ARHGAP35: variants seen among roughly 807,000 people sequenced by gnomAD.
The protein encoded by ARHGAP35 is rho GTPase-activating protein 35.
In ARHGAP35, 15 loss-of-function variants were observed where a neutral mutation model predicts 111.1. The ratio of observed to expected loss-of-function variants is 0.13; its 90% confidence interval spans 0.09 to 0.21. The LOEUF (loss-of-function observed/expected upper bound fraction) is 0.21, where lower values mean the gene tolerates loss of function less well. ARHGAP35 is among the 10% of genes least tolerant of loss of function. ARHGAP35 has a pLI of 1.00. For missense variants in ARHGAP35, 1,262 were observed against 1,873.0 expected (o/e 0.67, Z 6.02); for synonymous variants, 643 against 710.3 (o/e 0.91, Z 1.51).
intron 3 of ARHGAP35, among the ~76,000 whole-genome samples, chr19:46,973,024 T>TC (rs2056559533): frequency 6.6e-6 from 1 of 151,670 alleles, no homozygotes; most frequent in African/African-American, 2.4e-5. Flanking sequence ...CCTGAGGATT[T>TC]TTTTTCTTCC....
At chr19:46,987,848 G>A (rs977513671) in intron 3 of ARHGAP35, 141 bp from the exon 4 acceptor site, 8 of 660,126 alleles carry the variant, frequency 1.2e-5, no homozygotes, top group Admixed American at 5.9e-5. Context: ...AAAATCAAAC[G>A]AGAGTGTGCT....
intron 3 of ARHGAP35, among the ~76,000 whole-genome samples, chr19:46,959,868 C>A (rs937599208): frequency 6.6e-6 from 1 of 151,696 alleles, no homozygotes; most frequent in African/African-American, 2.4e-5. Flanking sequence ...GGCAGAGGGG[C>A]TAGAGGATCG....
At chr19:46,991,837 G>C (rs928940443) in intron 5 of ARHGAP35, among the ~76,000 whole-genome samples, 1 of 152,182 alleles carries the variant, frequency 6.6e-6, no homozygotes, top group African/African-American at 2.4e-5. Context: ...CAGACTGGCT[G>C]GGGTTTCCAT....
In ARHGAP35 at chr19:46,989,250, C is replaced by T; in HGVS notation, c.3905-294C>T. 3.3e-6 allele frequency: 1 copy of T among 303,592 alleles called. No homozygotes were observed. Among genetic ancestry groups the T allele is most frequent in the South Asian group, 4.1e-5 (1 of 24,470 alleles). The allele number at this position is 303,592 out of a possible 1,614,324, so 18.8% of individuals were successfully genotyped here. A position where few individuals can be genotyped will look rare whatever the true frequency, so the allele number is the denominator to read the frequency against. ...AGGAAGAGGCAACAGCATATCAAAGCCAGATGAAGGCAAGCTCCTGGCACC... is the reference window on the plus strand; with the variant it reads ...AGGAAGAGGCAACAGCATATCAAAGTCAGATGAAGGCAAGCTCCTGGCACC... On this transcript the variant is annotated intron_variant, in intron 4 of 6. Transcript: ENST00000672722. This position sits in a 1 kb window ranked among gnomAD's most constrained non-coding sequence, Gnocchi z 5.3.
chr19:46,961,687 T>A (rs2056483089), intron 3 of ARHGAP35, among the ~76,000 whole-genome samples: 1 of 152,116 alleles, frequency 6.6e-6, no homozygotes, highest in Admixed American at 6.6e-5. Context: ...CCCAGAACTT[T>A]AGGAGGCCGA....
In ARHGAP35 at chr19:46,994,812, C is replaced by G. The variant is rs1394292745; in HGVS notation, c.4037-4492C>G. Among the ~76,000 whole-genome samples the G allele has an allele frequency of 6.6e-6, 1 of 152,208 alleles. No individual in the cohort carries two copies. Among genetic ancestry groups the G allele is most frequent in the East Asian group, 1.9e-4 (1 of 5,194 alleles). The stretch of plus-strand genomic sequence containing the variant: ...TCCCCGTAAATATCTGCTCCTCCCA[C>G]CCACTGCGGATGAACAAATGACCCA... On this transcript the variant is annotated intron_variant, in intron 5 of 6. Transcript: ENST00000672722. The surrounding 1 kb of genome is among the most constrained non-coding windows in gnomAD (Gnocchi z 5.4).
In ARHGAP35 at chr19:46,919,552, C is replaced by T; in HGVS notation, c.877C>T (p.Leu293=). The T allele has an allele frequency of 1.2e-6, 2 of 1,613,906 alleles. No individual in the cohort carries two copies. The highest frequency in any genetic ancestry group is 2.7e-5 in the African/African-American group (2 of 75,024). ...RIVKNHNENW[L]SVSRKMQASP... ...TGTGAAAAACCACAATGAGAACTGG[C>T]TGAGTGTCAGCCGAAAGATGCAGGC... Residue 293 remains leucine, a synonymous_variant, in exon 2 of 7, where the codon CTG becomes TTG. Transcript: ENST00000672722. The surrounding 1 kb of genome is among the most constrained non-coding windows in gnomAD (Gnocchi z 6.2).
intron 1 of ARHGAP35, among the ~76,000 whole-genome samples, chr19:46,875,453 A>G (rs1231909650): frequency 6.6e-6 from 1 of 152,128 alleles, no homozygotes; most frequent in Non-Finnish European, 1.5e-5. Context: ...ATCCTGGAAT[A>G]GATGAAGTCT....
chr19:46,913,723 T>G (rs565016024), intron 1 of ARHGAP35, among the ~76,000 whole-genome samples: 8 of 152,220 alleles, frequency 5.3e-5, no homozygotes, highest in Non-Finnish European at 1.0e-4. Context: ...TAATGAAATA[T>G]CTCTGTACAG....
rs1204878276 is a variant in ARHGAP35 at position 47,004,931 on chromosome 19, A to C, written c.*4243A>C. On this transcript the variant is annotated 3_prime_UTR_variant, in exon 7 of 7. Coordinates refer to ENST00000672722, the MANE Select transcript of ARHGAP35 (RefSeq NM_004491.5). ...CTCAATGAAGGCTGAGGCATCTCTG[A>C]CTGAGGTGTTTTTGTTTGGTTTTGT... The C allele has an allele frequency of 6.6e-6, 1 of 152,168 alleles. No individual in the cohort carries two copies. The highest frequency in any genetic ancestry group is 1.5e-5 in the Non-Finnish European group (1 of 68,030). The allele number at this position is 152,168 out of a possible 1,614,324, so 9.4% of individuals were successfully genotyped here. A position where few individuals can be genotyped will look rare whatever the true frequency, so the allele number is the denominator to read the frequency against.
At position 46,989,560 on chromosome 19, in the gene ARHGAP35, G is replaced by A. The variant is rs181888641; in HGVS notation, c.3921G>A (p.Leu1307=). ...RQFDQDHNLD[L]AEKDFTVNTV... is the part of the protein sequence containing the mutation. ...TCCTTTCAGACCACAACCTGGACCTGGCAGAGAAAGACTTTACGGTGAATA... is the reference window on the plus strand; with the variant it reads ...TCCTTTCAGACCACAACCTGGACCTAGCAGAGAAAGACTTTACGGTGAATA... The change falls in exon 5 of 7, where the codon CTG becomes CTA. Residue 1307 remains leucine, a synonymous_variant. Transcript: ENST00000672722. The surrounding 1 kb of genome is among the most constrained non-coding windows in gnomAD (Gnocchi z 5.3). The A allele has an allele frequency of 1.2e-5, 19 of 1,613,918 alleles. No homozygotes were observed. The Admixed American group carries it at 2.3e-4, about 20-fold the overall frequency.
intron 3 of ARHGAP35, chr19:46,947,721 C>T (rs145631886): frequency 6.6e-6 from 1 of 152,250 alleles, no homozygotes; most frequent in East Asian, 1.9e-4. Context: ...GGCTCAGCAC[C>T]CAAGACTGCC....
At chr19:46,868,439 TG>T (rs2055869933) in intron 1 of ARHGAP35, among the ~76,000 whole-genome samples, 1 of 152,240 alleles carries the variant, frequency 6.6e-6, no homozygotes, top group Admixed American at 6.5e-5. Flanking sequence ...TCTGGCTCCT[TG>T]GGATGTGATC....
intron 1 of ARHGAP35, among the ~76,000 whole-genome samples, chr19:46,874,677 G>A (rs1237246845): frequency 1.3e-5 from 2 of 150,964 alleles, no homozygotes; most frequent in African/African-American, 2.4e-5. Context: ...GCTAATTTTT[G>A]TATTTTTGAT....
At chr19:46,965,261 C>T (rs769268095) in intron 3 of ARHGAP35, among the ~76,000 whole-genome samples, 1 of 152,010 alleles carries the variant, frequency 6.6e-6, no homozygotes, top group Non-Finnish European at 1.5e-5. Context: ...TGCAGTGAGC[C>T]GAGATTGCGC....
rs2056203193 is a variant in ARHGAP35, at chr19:46,921,852, A to T, written c.3177A>T (p.Leu1059Phe). 1 of 1,613,896 alleles carries T rather than the reference A, an allele frequency of 6.2e-7. No individual in the cohort carries two copies. Among genetic ancestry groups the T allele is most frequent in the South Asian group, 1.1e-5 (1 of 91,088 alleles). Residue 1059 changes from leucine to phenylalanine, a missense_variant, in exon 2 of 7, where the codon TTA becomes TTT. Physicochemically the swap from Leu to Phe is conservative, Grantham distance 22. Coordinates refer to ENST00000672722, the MANE Select transcript of ARHGAP35 (RefSeq NM_004491.5). This position sits in a 1 kb window ranked among gnomAD's most constrained non-coding sequence, Gnocchi z 4.3. Reference protein sequence around the residue: ...FEITKGDLSYLDQGHRDGQRK... With the variant: ...FEITKGDLSYFDQGHRDGQRK... ...TTACAAAGGGGGATCTATCTTATTT[A>T]GACCAAGGCCATAGGGATGGACAGA...
intron 2 of ARHGAP35, among the ~76,000 whole-genome samples, chr19:46,929,365 G>T (rs1034105355): frequency 6.6e-6 from 1 of 152,116 alleles, no homozygotes; most frequent in African/African-American, 2.4e-5. Context: ...AATACTGAAT[G>T]CAAGAAAGTG....
chr19:46,991,085 G>A (rs1188460472), intron 5 of ARHGAP35, among the ~76,000 whole-genome samples: 1 of 152,156 alleles, frequency 6.6e-6, no homozygotes, highest in Non-Finnish European at 1.5e-5. Context: ...GTTAGTGGGT[G>A]GGGACAGTTG....
At chr19:46,914,326 TG>T (rs2041975910) in intron 1 of ARHGAP35, among the ~76,000 whole-genome samples, 2 of 152,216 alleles carry the variant, frequency 1.3e-5, no homozygotes, top group Admixed American at 1.3e-4. Context: ...CAGTCGTGGC[TG>T]GGCACAGTGG....
Sources: gnomAD v4.1 joint callset for allele counts (sites outside exome capture counted in the v4.1 genomes callset) on GRCh38, gnomAD v4.1.1 for gene constraint, Gnocchi (gnomAD v3.1) non-coding constraint, MANE v1.5 for transcripts, NCBI Gene and HGNC (gene_info 2026-07-23, HGNC 2026-07-21) for gene names.